The following ERMARD variants were observed in gnomAD, a reference collection of about 807,000 sequenced individuals.
The protein encoded by ERMARD is ER membrane associated RNA degradation.
Under a neutral mutation model 83.9 loss-of-function variants are expected in ERMARD, and 71 were observed. That is an observed-to-expected ratio of 0.85 (90% confidence interval 0.70 to 1.03). ERMARD has a LOEUF of 1.03. Among genes scored for constraint, ERMARD ranks in the 50% least tolerant of loss-of-function variants. ERMARD has a pLI of 0.00. For synonymous variants in ERMARD, 284 were observed against 298.6 expected, an observed-to-expected ratio of 0.95 and a Z score of 0.50; for missense variants, 838 against 810.9, an observed-to-expected ratio of 1.03 and a Z score of -0.41.
At position 169,760,507 on chromosome 6, in the gene ERMARD, A is replaced by G; in HGVS notation, c.743-135A>G. ...TTGGTCAGGGCAATCCTACTCTCTA[A>G]CAAGTCCCCTGCTGCAGGGGTCACG... On this transcript the variant is annotated intron_variant, in intron 7 of 17. Coordinates refer to ENST00000366773, the MANE Select transcript of ERMARD (RefSeq NM_018341.3). 4 of 638,774 alleles carry G rather than the reference A, an allele frequency of 6.3e-6. No homozygotes were observed. The South Asian group carries it at 8.2e-5, about 13-fold the overall frequency. 39.6% of individuals were successfully genotyped at this position (638,774 alleles called of 1,614,324 possible). A position where few individuals can be genotyped will look rare whatever the true frequency, so the allele number is the denominator to read the frequency against.
At chr6:169,751,768 C>T in intron 1 of ERMARD, 105 bp downstream of exon 1, 2 of 1,397,108 alleles carry the variant, frequency 1.4e-6, no homozygotes, top group Non-Finnish European at 1.9e-6. Flanking sequence ...CACGCGCCTG[C>T]GGTGGCCGGC....
chr6:169,767,796 TAA>T (rs1382953657), intron 10 of ERMARD: 1 of 371,556 alleles, frequency 2.7e-6, no homozygotes, highest in African/African-American at 2.1e-5. Flanking sequence ...CAGTTGCATA[TAA>T]ACACACAAAT....
intron 10 of ERMARD, chr6:169,767,756 TACACACACACAC>T (rs59747825): frequency 2.7e-5 from 7 of 259,498 alleles, no homozygotes; most frequent in South Asian, 5.6e-5. Flanking sequence ...GCACATACAC[TACACACACACAC>T]ACACACACAC....
chr6:169,762,952 A>T (rs141668209), intron 9 of ERMARD, among the ~76,000 whole-genome samples: 2 of 152,240 alleles, frequency 1.3e-5, no homozygotes, highest in Non-Finnish European at 2.9e-5. Flanking sequence ...TTTGGAGGTG[A>T]CTTGGTGTGG....
intron 3 of ERMARD, 147 bp from the exon 4 acceptor site, chr6:169,756,191 A>G (rs1033233881): frequency 4.5e-5 from 20 of 442,728 alleles, no homozygotes; most frequent in African/African-American, 2.5e-4. Context: ...TTTAGGCAAT[A>G]TAATTATACA....
At chr6:169,762,190 A>G (rs1014484099) in intron 8 of ERMARD, among the ~76,000 whole-genome samples, 3 of 152,016 alleles carry the variant, frequency 2.0e-5, no homozygotes, top group Non-Finnish European at 4.4e-5. Context: ...GGTTCAAGCA[A>G]TCCTCCCGCC....
Position 169,776,556 on chromosome 6 carries a change from A to G in ERMARD, c.1622A>G (p.Glu541Gly). The G allele has an allele frequency of 6.2e-7, 1 of 1,614,214 alleles. No individual in the cohort carries two copies. The highest frequency in any genetic ancestry group is 8.5e-7 in the Non-Finnish European group (1 of 1,180,050). The change falls in exon 16 of 18, where the codon GAA (glutamate) becomes GGA (glycine). Residue 541 changes from glutamate to glycine, a missense_variant. By Grantham distance (98) the Glu-to-Gly change is moderately conservative. Transcript: ENST00000366773. The stretch of plus-strand genomic sequence containing the variant: ...CTGGTTGTGCTCCGAAGCATCAGCG[A>G]ACAGTGCCGCCGTGTGTCCAGCCAG... ...EVLVVLRSIS[E>G]QCRRVSSQVT...
intron 9 of ERMARD, among the ~76,000 whole-genome samples, chr6:169,764,345 G>A (rs1791936557): frequency 6.6e-6 from 1 of 150,570 alleles, no homozygotes; most frequent in South Asian, 2.1e-4. Context: ...GCTCACTGCA[G>A]CCTCAATCCC....
intron 7 of ERMARD, 94 bp from the exon 8 acceptor site, chr6:169,760,548 G>A: frequency 1.2e-6 from 1 of 851,296 alleles, no homozygotes; most frequent in Admixed American, 2.3e-5. Context: ...GCCACCTAAA[G>A]GGGTTGGCTC....
At position 169,781,084 on chromosome 6, in the gene ERMARD, C is replaced by T. The variant is rs7749597; in HGVS notation, c.1854-246C>T. ...GTCATGTCTGGGCTGGAGAAGAATGCTTGAAAAGGTGCTTGCGTTGGAGCC... is the reference window on the plus strand; with the variant it reads ...GTCATGTCTGGGCTGGAGAAGAATGTTTGAAAAGGTGCTTGCGTTGGAGCC... On this transcript the variant is annotated intron_variant, in intron 17 of 17. Transcript: ENST00000366773. 0.31 allele frequency among the ~76,000 whole-genome samples: 46,434 copies of T among 152,076 alleles called. 8,259 individuals are homozygous for T. Among genetic ancestry groups the T allele is most frequent in the African/African-American group, 0.49 (20,402 of 41,442 alleles).
chr6:169,767,043 G>C (rs1034504373), intron 10 of ERMARD: 3 of 171,608 alleles, frequency 1.7e-5, no homozygotes, highest in African/African-American at 7.1e-5. Flanking sequence ...CATGTTGGCG[G>C]TGTGAATAGT....
At chr6:169,780,880 T>G (rs1794127799) in intron 17 of ERMARD, among the ~76,000 whole-genome samples, 2 of 152,092 alleles carry the variant, frequency 1.3e-5, no homozygotes, top group Admixed American at 6.5e-5. Context: ...AACACAAAAA[T>G]CTCATTGCGA....
At chr6:169,781,003 T>C (rs772474480) in intron 17 of ERMARD, among the ~76,000 whole-genome samples, 1 of 152,234 alleles carries the variant, frequency 6.6e-6, no homozygotes, top group Non-Finnish European at 1.5e-5. Flanking sequence ...GTGTTTATTA[T>C]ATTATGTGTC....
chr6:169,766,805 A>G lies in ERMARD; in HGVS notation c.990+138A>G, dbSNP rs540094127. 1.2e-5 allele frequency: 11 copies of G among 917,244 alleles called. No individual in the cohort carries two copies. In the African/African-American group the frequency reaches 1.9e-4, roughly 16 times the overall value. 56.8% of individuals were successfully genotyped at this position (917,244 alleles called of 1,614,324 possible). On this transcript the variant is annotated intron_variant, in intron 10 of 17. Transcript: ENST00000366773. ...AAATGTCCATAGTAATATAAACCAA[A>G]AAAAGCTGATAATTGATATTTCCGG...
At position 169,776,619 on chromosome 6, in the gene ERMARD, T is replaced by C; in HGVS notation, c.1685T>C (p.Val562Ala). Residue 562 changes from valine to alanine, a missense_variant, in exon 16 of 18, where the codon GTG becomes GCG. Physicochemically the swap from Val to Ala is moderately conservative, Grantham distance 64. Coordinates refer to ENST00000366773, the MANE Select transcript of ERMARD (RefSeq NM_018341.3). ...VASELRHRQW[V>A]ERTLRSRQRQ... is the part of the protein sequence containing the mutation. ...TCAGAGCTGAGACACAGGCAGTGGG[T>C]GGAAAGGACGCTGCGGTCTCGCCAG... The C allele has an allele frequency of 6.2e-7, 1 of 1,614,164 alleles. No homozygotes were observed. The highest frequency in any genetic ancestry group is 1.3e-5 in the African/African-American group (1 of 75,038).
intron 11 of ERMARD, among the ~76,000 whole-genome samples, chr6:169,769,073 G>A (rs1792571138): frequency 6.6e-6 from 1 of 152,152 alleles, no homozygotes; most frequent in African/African-American, 2.4e-5. Context: ...TCTGACCATT[G>A]GCGGTTTGCC....
intron 11 of ERMARD, 94 bp downstream of exon 11, chr6:169,768,265 C>A (rs1366116319): frequency 3.3e-5 from 39 of 1,180,586 alleles, no homozygotes; most frequent in Non-Finnish European, 4.7e-5. Flanking sequence ...TTGTGGTTTG[C>A]TCAAGAAAAA....
At chr6:169,778,141 C>T (rs1285933896) in intron 16 of ERMARD, among the ~76,000 whole-genome samples, 1 of 152,230 alleles carries the variant, frequency 6.6e-6, no homozygotes, top group African/African-American at 2.4e-5. Flanking sequence ...GGAGAAAACC[C>T]ATGCCGAACC....
In ERMARD at chr6:169,762,492, C is replaced by A. The variant is rs760535940; in HGVS notation, c.921C>A (p.Ala307=). The A allele has an allele frequency of 1.2e-6, 2 of 1,614,128 alleles. No individual in the cohort carries two copies. The highest frequency in any genetic ancestry group is 4.5e-5 in the East Asian group (2 of 44,886). Residue 307 remains alanine, a synonymous_variant, in exon 9 of 18, where the codon GCC becomes GCA. Coordinates refer to ENST00000366773, the MANE Select transcript of ERMARD (RefSeq NM_018341.3). ...QLETGLRNVF[A]TLNRCPKRLL... is the part of the protein sequence containing the mutation. ...AGACTGGACTTAGGAATGTTTTTGC[C>A]ACACTTAACAGATGTCCAAAAAGAC...
Sources: allele counts gnomAD v4.1 joint callset (sites outside exome capture counted in the v4.1 genomes callset), GRCh38; gene constraint gnomAD v4.1.1; transcripts MANE v1.5; gene names NCBI Gene and HGNC (gene_info 2026-07-23, HGNC 2026-07-21).